The following XYLT2 variants were observed in gnomAD, a reference collection of about 807,000 sequenced individuals.
XYLT2 encodes the protein xylosyltransferase 2.
XYLT2 carries 37 observed loss-of-function variants against 82.6 expected under a neutral mutation model. The observed-to-expected ratio is 0.45, with a 90% CI of 0.34 to 0.59. The LOEUF is 0.59. Ranked by LOEUF, XYLT2 falls within the 20% of genes least tolerant of loss-of-function variation. The pLI is 0.01. For missense variants in XYLT2, 934 were observed against 1,181.3 expected (o/e 0.79, Z 3.07); for synonymous variants, 474 against 499.0 (o/e 0.95, Z 0.67).
chr17:50,358,893 C>G (rs1912674333), intron 10 of XYLT2: 1 of 211,244 alleles, frequency 4.7e-6, no homozygotes, highest in African/African-American at 2.3e-5. Flanking sequence ...CAAATCCACT[C>G]AACCTAGCTT....
intron 1 of XYLT2, among the ~76,000 whole-genome samples, chr17:50,352,930 C>T (rs739992): frequency 0.39 from 59,758 of 152,074 alleles, 12,492 homozygotes; most frequent in Admixed American, 0.52. Flanking sequence ...TGGAGGTGGA[C>T]GCTCTTCTTG....
intron 1 of XYLT2, among the ~76,000 whole-genome samples, chr17:50,351,363 G>A (rs1233621586): frequency 5.3e-5 from 8 of 152,254 alleles, no homozygotes; most frequent in African/African-American, 7.2e-5. Context: ...CTGGCTGGGC[G>A]CAGTGGCTCA....
Position 50,355,873 on chromosome 17 carries a change from T to G in XYLT2, c.1181T>G (p.Val394Gly). The G allele has an allele frequency of 1.9e-6, 3 of 1,614,202 alleles. No homozygotes were observed. Among genetic ancestry groups the G allele is most frequent in the Non-Finnish European group, 2.5e-6 (3 of 1,180,038 alleles). Residue 394 changes from valine (V) to glycine (G), a missense_variant, in exon 6 of 11, where the codon GTG (valine) becomes GGG (glycine). By Grantham distance (109) the Val-to-Gly change is moderately radical (BLOSUM62 -3). Transcript: ENST00000017003. ...GAGCGGCAGATCCCAGCAGGCATTGTGGTGGATGGCGGTTCTGACTGGTTC... is the reference window on the plus strand; with the variant it reads ...GAGCGGCAGATCCCAGCAGGCATTGGGGTGGATGGCGGTTCTGACTGGTTC... ...LGERQIPAGI[V>G]VDGGSDWFVL... is the part of the protein sequence containing the mutation.
In XYLT2 at chr17:50,358,283, T is replaced by A. The variant is rs1300041967; in HGVS notation, c.2018T>A (p.Val673Glu). Residue 673 changes from valine to glutamate, a missense_variant, in exon 10 of 11, where the codon GTG (valine) becomes GAG (glutamate). By Grantham distance (121) the Val-to-Glu change is moderately radical. Coordinates refer to ENST00000017003, the MANE Select transcript of XYLT2 (RefSeq NM_022167.4). ...GGLLGPLDEP[V>E]AVQRWARGPN... ...TTACTGGGGCCGCTGGACGAGCCTG[T>A]GGCCGTGCAGCGCTGGGCCCGGGGC... The A allele has an allele frequency of 6.2e-7, 1 of 1,613,594 alleles. No individual in the cohort carries two copies. Among genetic ancestry groups the A allele is most frequent in the Admixed American group, 1.7e-5 (1 of 60,026 alleles).
In XYLT2 at chr17:50,346,355, C is replaced by T. The variant is rs528916896; in HGVS notation, c.135+80C>T. ...TGGCGGGGCTGCGGGCGGCCCCAGC[C>T]GGGGAAGTGGGGCACGGGCCGCGTG... On this transcript the variant is annotated intron_variant, in intron 1 of 10. Coordinates refer to ENST00000017003, the MANE Select transcript of XYLT2 (RefSeq NM_022167.4). The surrounding 1 kb of genome is among the most constrained non-coding windows in gnomAD (Gnocchi z 5.1). The T allele has an allele frequency of 3.0e-5, 30 of 992,752 alleles. No individual in the cohort carries two copies. Among genetic ancestry groups the T allele is most frequent in the Non-Finnish European group, 3.2e-5 (27 of 835,462 alleles). The allele number at this position is 992,752 out of a possible 1,614,324, so 61.5% of individuals were successfully genotyped here.
rs757472097 is a variant in XYLT2 at position 50,355,589 on chromosome 17, G to A, written c.1088+8G>A. On this transcript the variant is annotated splice_region_variant and intron_variant, in intron 5 of 10. Transcript: ENST00000017003. ...TGGCCGGGACAACTCCAGGTGAGGG[G>A]GTGGGGAAGGAGGCCCTGGCCCCAG... The A allele has an allele frequency of 1.1e-5, 18 of 1,613,958 alleles. No homozygotes were observed. The highest frequency in any genetic ancestry group is 1.7e-6 in the Non-Finnish European group (2 of 1,179,978).
chr17:50,360,791 CTGAGGCTCCACAGGG>C lies in XYLT2; in HGVS notation c.*501_*515del. 1.0e-6 allele frequency: 1 copy of C among 986,298 alleles called. No individual in the cohort carries two copies. The highest frequency in any genetic ancestry group is 1.2e-6 in the Non-Finnish European group (1 of 830,266). The allele number at this position is 986,298 out of a possible 1,614,324, so 61.1% of individuals were successfully genotyped here. A position where few individuals can be genotyped will look rare whatever the true frequency, so the allele number is the denominator to read the frequency against. The stretch of plus-strand genomic sequence containing the variant: ...CATTCTGGGCCTGTGGTGCTCGTGG[CTGAGGCTCCACAGGG>C]CTGCAAGTGCCCTGCCAGGCTCTAA... On this transcript the variant is annotated 3_prime_UTR_variant, in exon 11 of 11. Transcript: ENST00000017003.
chr17:50,356,459 T>C, intron 7 of XYLT2, 52 bp from the exon 8 acceptor site: 5 of 1,593,492 alleles, frequency 3.1e-6, no homozygotes, highest in Non-Finnish European at 4.3e-6. Flanking sequence ...AGCCCCACCA[T>C]GCCCTCTGGG....
intron 9 of XYLT2, 38 bp from the exon 10 acceptor site, chr17:50,358,169 T>C (rs781063681): frequency 3.5e-5 from 53 of 1,523,532 alleles, no homozygotes; most frequent in Non-Finnish European, 4.7e-5. Context: ...GAAGGACCTT[T>C]CCCCCACACT....
At chr17:50,351,509 C>T (rs1217863283) in intron 1 of XYLT2, among the ~76,000 whole-genome samples, 1 of 152,154 alleles carries the variant, frequency 6.6e-6, no homozygotes, top group African/African-American at 2.4e-5. Flanking sequence ...TGGCATGTGC[C>T]TGTAGTCCCA....
intron 9 of XYLT2, chr17:50,357,832 G>A (rs1439659945): frequency 5.9e-5 from 12 of 202,660 alleles, no homozygotes; most frequent in East Asian, 2.3e-4. Flanking sequence ...CACCCGCCTC[G>A]GCCTCCCAGA....
intron 4 of XYLT2, 53 bp downstream of exon 4, chr17:50,355,109 C>T (rs1912462095): frequency 2.7e-6 from 4 of 1,507,036 alleles, no homozygotes; most frequent in East Asian, 2.3e-5. Flanking sequence ...CCTGTCTGGG[C>T]ACCTGGGGTT....
rs760929594 is a variant in XYLT2 at position 50,360,118 on chromosome 17, G to A, written c.2425G>A (p.Glu809Lys). ...CACACAGCTCACAGGCCCTGCGCTCGAGGCCTGGACAGACAGGGAACTGAG... is the reference window on the plus strand; with the variant it reads ...CACACAGCTCACAGGCCCTGCGCTCAAGGCCTGGACAGACAGGGAACTGAG... ...RHTQLTGPAL[E>K]AWTDRELSSF... Residue 809 changes from glutamate to lysine, a missense_variant, in exon 11 of 11, where the codon GAG becomes AAG. This residue lies in a region of XYLT2 where 374 missense variants were observed against 465.6 expected (regional missense o/e 0.80). Coordinates refer to ENST00000017003, the MANE Select transcript of XYLT2 (RefSeq NM_022167.4). 6 of 1,613,922 alleles carry A rather than the reference G, an allele frequency of 3.7e-6. No individual in the cohort carries two copies. The highest frequency in any genetic ancestry group is 4.2e-6 in the Non-Finnish European group (5 of 1,179,950).
In XYLT2 at chr17:50,354,872, C is replaced by G. The variant is rs762208911; in HGVS notation, c.823C>G (p.Arg275Gly). 7.5e-5 allele frequency: 121 copies of G among 1,613,196 alleles called. 2 individuals carry two copies. In the South Asian group the frequency reaches 1.3e-3, roughly 17 times the overall value. Residue 275 changes from arginine to glycine, a missense_variant, in exon 4 of 11, where the codon CGG becomes GGG. Transcript: ENST00000017003. ...HVDKRSDYLH[R>G]EVVELAQGYD... ...CCACCAGCGTTCCGACTACCTGCAC[C>G]GGGAGGTGGTGGAGCTGGCCCAGGG...
At position 50,346,359 on chromosome 17, in the gene XYLT2, G is replaced by C. The variant is rs1373359817; in HGVS notation, c.135+84G>C. ...GGGGCTGCGGGCGGCCCCAGCCGGG[G>C]AAGTGGGGCACGGGCCGCGTGCGTG... On this transcript the variant is annotated intron_variant, in intron 1 of 10. Coordinates refer to ENST00000017003, the MANE Select transcript of XYLT2 (RefSeq NM_022167.4). The surrounding 1 kb of genome is among the most constrained non-coding windows in gnomAD (Gnocchi z 5.1). The C allele has an allele frequency of 2.6e-5, 26 of 991,506 alleles. No homozygotes were observed. The highest frequency in any genetic ancestry group is 3.1e-5 in the Non-Finnish European group (26 of 834,524). 61.4% of individuals were successfully genotyped at this position (991,506 alleles called of 1,614,324 possible).
intron 9 of XYLT2, chr17:50,357,592 CTTTTTTTTTT>C (rs59572285): frequency 6.4e-6 from 1 of 155,646 alleles, no homozygotes; most frequent in African/African-American, 2.7e-5. Flanking sequence ...TCCTCATAGT[CTTTTTTTTTT>C]TTTTTTTGAG....
rs1555596885 is a variant in XYLT2, at chr17:50,360,577, T to TTTTTC, written c.*290_*291insCTTTT. The TTTTTC allele has an allele frequency of 4.3e-6, 4 of 929,064 alleles. No individual in the cohort carries two copies. The highest frequency in any genetic ancestry group is 4.0e-6 in the Non-Finnish European group (3 of 751,928). The allele number at this position is 929,064 out of a possible 1,614,324, so 57.6% of individuals were successfully genotyped here. A position where few individuals can be genotyped will look rare whatever the true frequency, so the allele number is the denominator to read the frequency against. ...GTTTGAATTTCTTTTTTTTCTTTTT[T>TTTTTC]TTTTTTTTTTTTTAATTTAAAAAGG... On this transcript the variant is annotated 3_prime_UTR_variant, in exon 11 of 11. Coordinates refer to ENST00000017003, the MANE Select transcript of XYLT2 (RefSeq NM_022167.4).
rs1162519042 is a variant in XYLT2, at chr17:50,354,403, C to T, written c.629-5C>T. ...GCCTCGCCAACGCCTGTCCTCTGCT[C>T]TCAGGGAAGATGAGCCCCGGCATCC... On this transcript the variant is annotated splice_polypyrimidine_tract_variant and splice_region_variant and intron_variant, in intron 2 of 10. Transcript: ENST00000017003. The T allele has an allele frequency of 6.2e-7, 1 of 1,604,280 alleles. No homozygotes were observed. Among genetic ancestry groups the T allele is most frequent in the Non-Finnish European group, 8.5e-7 (1 of 1,175,200 alleles).
Position 50,354,213 on chromosome 17 carries a change from G to GAA in XYLT2, c.628+92_628+93insAA, listed in dbSNP as rs1414271551. ...CACCCCTATCTCTCTGAGGAAGAAAGAGCCAAGGGGATCCTACCTCCCTGC... is the reference window on the plus strand; with the variant it reads ...CACCCCTATCTCTCTGAGGAAGAAAGAAAGCCAAGGGGATCCTACCTCCCTGC... On this transcript the variant is annotated intron_variant, in intron 2 of 10. Transcript: ENST00000017003. 5.7e-6 allele frequency: 9 copies of GAA among 1,568,214 alleles called. No homozygotes were observed. The African/African-American group carries it at 1.2e-4, about 21-fold the overall frequency.
Sources: allele counts gnomAD v4.1 joint callset (sites outside exome capture counted in the v4.1 genomes callset), GRCh38; gene constraint gnomAD v4.1.1; regional missense constraint gnomAD v4.1.1; non-coding constraint Gnocchi (gnomAD v3.1); transcripts MANE v1.5; gene names NCBI Gene and HGNC (gene_info 2026-07-23, HGNC 2026-07-21).